Variants in SCAPER observed in about 807,000 individuals in gnomAD.
SCAPER encodes S phase cyclin A-associated protein in the endoplasmic reticulum.
Under a neutral mutation model 182.2 loss-of-function variants are expected in SCAPER, and 98 were observed. The observed-to-expected ratio is 0.54, with a 90% CI of 0.46 to 0.64. The LOEUF is 0.64. SCAPER is among the 30% of genes least tolerant of loss of function. The probability of loss-of-function intolerance (pLI) is 0.00; values close to 1 mark genes in which losing one functional copy is unlikely to be tolerated. For missense variants in SCAPER, 1,432 were observed against 1,690.0 expected, an observed-to-expected ratio of 0.85 and a Z score of 2.68; for synonymous variants, 605 against 564.6, an observed-to-expected ratio of 1.07 and a Z score of -1.01.
intron 15 of SCAPER, among the ~76,000 whole-genome samples, chr15:76,745,890 G>C (rs2061767904): frequency 6.6e-6 from 1 of 152,108 alleles, no homozygotes; most frequent in Non-Finnish European, 1.5e-5. Flanking sequence ...CTGCCTTTCT[G>C]ATCATCAATA....
At chr15:76,493,076 C>A (rs1424376533) in intron 24 of SCAPER, among the ~76,000 whole-genome samples, 1 of 152,016 alleles carries the variant, frequency 6.6e-6, no homozygotes, top group Non-Finnish European at 1.5e-5. Context: ...AACCACCATG[C>A]TGCAATAGCA....
intron 23 of SCAPER, among the ~76,000 whole-genome samples, chr15:76,541,517 G>A (rs554814881): frequency 7.2e-5 from 11 of 152,216 alleles, no homozygotes; most frequent in South Asian, 2.1e-4. Flanking sequence ...GGACATCATC[G>A]AGATTTTCCT....
intron 15 of SCAPER, among the ~76,000 whole-genome samples, chr15:76,735,109 G>A (rs1265923592): frequency 6.6e-6 from 1 of 152,070 alleles, no homozygotes; most frequent in Non-Finnish European, 1.5e-5. Context: ...ACGTTAGGAG[G>A]GCCGGGCAGG....
intron 29 of SCAPER, among the ~76,000 whole-genome samples, chr15:76,369,705 G>C (rs1006135112): frequency 2.6e-5 from 4 of 152,212 alleles, no homozygotes; most frequent in Admixed American, 1.3e-4. Flanking sequence ...GAATTTAATA[G>C]AACTAGTTTT....
At chr15:76,777,884 A>G (rs1380381738) in intron 8 of SCAPER, among the ~76,000 whole-genome samples, 1 of 152,144 alleles carries the variant, frequency 6.6e-6, no homozygotes, top group Non-Finnish European at 1.5e-5. Flanking sequence ...CACTTACCCT[A>G]CCAAACATAA....
intron 15 of SCAPER, among the ~76,000 whole-genome samples, chr15:76,742,306 G>A (rs1191469957): frequency 6.6e-6 from 1 of 151,220 alleles, no homozygotes; most frequent in Non-Finnish European, 1.5e-5. Context: ...TACAAAATAG[G>A]TAATCTATAA....
At chr15:76,826,972 C>G (rs548712772) in intron 5 of SCAPER, among the ~76,000 whole-genome samples, 6 of 152,208 alleles carry the variant, frequency 3.9e-5, no homozygotes, top group Non-Finnish European at 8.8e-5. Context: ...TCATATTCTG[C>G]TCTATTTTGG....
chr15:76,780,507 A>G (rs978447441), intron 8 of SCAPER, among the ~76,000 whole-genome samples: 3 of 152,250 alleles, frequency 2.0e-5, no homozygotes, highest in African/African-American at 7.2e-5. Flanking sequence ...CAGGTTTGAC[A>G]GCTCTAAAGA....
At chr15:76,641,686 A>G (rs1279917913) in intron 21 of SCAPER, among the ~76,000 whole-genome samples, 1 of 152,202 alleles carries the variant, frequency 6.6e-6, no homozygotes, top group Non-Finnish European at 1.5e-5. Flanking sequence ...CCCAGCAGGA[A>G]CAAGAAAAGG....
At chr15:76,569,616 G>C (rs555686144) in intron 23 of SCAPER, among the ~76,000 whole-genome samples, 14 of 152,162 alleles carry the variant, frequency 9.2e-5, no homozygotes, top group African/African-American at 3.4e-4. Context: ...AGTTCTAAAT[G>C]ATTATCACTT....
intron 3 of SCAPER, among the ~76,000 whole-genome samples, chr15:76,860,262 T>G (rs2071770255): frequency 6.6e-6 from 1 of 152,076 alleles, no homozygotes; most frequent in Admixed American, 6.5e-5. Context: ...TATACAGAAT[T>G]TTTTTTACTT....
chr15:76,796,670 C>T (rs551273983), intron 7 of SCAPER, among the ~76,000 whole-genome samples: 3 of 152,166 alleles, frequency 2.0e-5, no homozygotes, highest in Non-Finnish European at 4.4e-5. Context: ...TTACCACACA[C>T]GAATTAACGG....
At chr15:76,902,876 G>A (rs982294033) in intron 1 of SCAPER, among the ~76,000 whole-genome samples, 18 of 152,086 alleles carry the variant, frequency 1.2e-4, no homozygotes, top group African/African-American at 3.9e-4. Context: ...GGCCAACATG[G>A]TGAAACCCGG....
chr15:76,896,502 T>A (rs958632863), intron 1 of SCAPER, among the ~76,000 whole-genome samples: 2 of 152,192 alleles, frequency 1.3e-5, no homozygotes, highest in African/African-American at 2.4e-5. Flanking sequence ...AGACATCCCA[T>A]GTTCATGAAC....
At chr15:76,523,647 A>G (rs1247766259) in intron 23 of SCAPER, among the ~76,000 whole-genome samples, 1 of 152,120 alleles carries the variant, frequency 6.6e-6, no homozygotes, top group South Asian at 2.1e-4. Flanking sequence ...TTAAACAACC[A>G]TAATTGCATA....
intron 5 of SCAPER, among the ~76,000 whole-genome samples, chr15:76,839,018 T>G (rs1261284045): frequency 3.3e-5 from 5 of 152,216 alleles, no homozygotes; most frequent in African/African-American, 1.2e-4. Context: ...GGGTGATGCT[T>G]AGAGTTTTGC....
At chr15:76,556,591 T>C (rs951386350) in intron 23 of SCAPER, among the ~76,000 whole-genome samples, 1 of 152,162 alleles carries the variant, frequency 6.6e-6, no homozygotes, top group Admixed American at 6.5e-5. Context: ...GAAATTATTA[T>C]GAACACCTCT....
chr15:76,762,101 T>C (rs2062821492), intron 14 of SCAPER, among the ~76,000 whole-genome samples: 1 of 152,206 alleles, frequency 6.6e-6, no homozygotes, highest in East Asian at 1.9e-4. Flanking sequence ...ACTTCTGCTC[T>C]CTTTTGGTTA....
chr15:76,575,436 C>T (rs1049850829), intron 22 of SCAPER, among the ~76,000 whole-genome samples: 2 of 152,162 alleles, frequency 1.3e-5, no homozygotes, highest in South Asian at 2.1e-4. Context: ...AAAGAGAAAA[C>T]AGAAGTTATT....
Sources: allele counts gnomAD v4.1 joint callset (sites outside exome capture counted in the v4.1 genomes callset), GRCh38; gene constraint gnomAD v4.1.1; transcripts MANE v1.5; gene names NCBI Gene and HGNC (gene_info 2026-07-23, HGNC 2026-07-21).